LRRC4B: variants seen among roughly 807,000 people sequenced by gnomAD.
LRRC4B encodes the protein leucine-rich repeat-containing protein 4B.
In LRRC4B, 1 loss-of-function variant was observed where a neutral mutation model predicts 7.3. That is an observed-to-expected ratio of 0.14 (90% confidence interval 0.05 to 0.65). The LOEUF is 0.65. Among genes scored for constraint, LRRC4B ranks in the 30% least tolerant of loss-of-function variants. LRRC4B has a pLI of 0.84. For synonymous variants in LRRC4B, 500 were observed against 499.2 expected (o/e 1.00, Z -0.02); for missense variants, 730 against 1,041.6 (o/e 0.70, Z 4.12).
At chr19:50,536,112 G>A (rs1004959077) in intron 2 of LRRC4B, among the ~76,000 whole-genome samples, 1 of 151,496 alleles carries the variant, frequency 6.6e-6, no homozygotes, top group Admixed American at 6.6e-5. Context: ...GCTCGTGCAC[G>A]CTGCTACTGG....
Position 50,553,927 on chromosome 19 carries a change from C to G in LRRC4B, c.-35-5054G>C, listed in dbSNP as rs906672628. 6.6e-6 allele frequency among the ~76,000 whole-genome samples: 1 copy of G among 152,042 alleles called. No individual in the cohort carries two copies. Among genetic ancestry groups the G allele is most frequent in the Non-Finnish European group, 1.5e-5 (1 of 67,996 alleles). On this transcript the variant is annotated intron_variant, in intron 1 of 2. Transcript: ENST00000652263. This position sits in a 1 kb window ranked among gnomAD's most constrained non-coding sequence, Gnocchi z 4.2. ...ATAGCTGCACAATGCAGGCTCCCAGCCCTGGACACCCTCGGTCCCCAGGTC... is the reference window on the plus strand; with the variant it reads ...ATAGCTGCACAATGCAGGCTCCCAGGCCTGGACACCCTCGGTCCCCAGGTC...
intron 1 of LRRC4B, among the ~76,000 whole-genome samples, chr19:50,554,769 C>T (rs910606356): frequency 2.6e-5 from 4 of 152,228 alleles, no homozygotes; most frequent in Non-Finnish European, 5.9e-5. Flanking sequence ...ACTGCTATTA[C>T]ACCCAGTTCC....
chr19:50,551,470 A>C (rs1599781786), intron 1 of LRRC4B, among the ~76,000 whole-genome samples: 10 of 75,350 alleles, frequency 1.3e-4, no homozygotes, highest in African/African-American at 1.7e-4. Flanking sequence ...TCCCACCTCT[A>C]CCTCGACTCT....
intron 2 of LRRC4B, among the ~76,000 whole-genome samples, chr19:50,541,181 C>G (rs1276074551): frequency 6.9e-6 from 1 of 145,266 alleles, no homozygotes; most frequent in Non-Finnish European, 1.5e-5. Context: ...GAGGCTCTGT[C>G]TCAAAAAAAA....
At chr19:50,526,713 C>A (rs1980822604) in intron 2 of LRRC4B, among the ~76,000 whole-genome samples, 1 of 152,092 alleles carries the variant, frequency 6.6e-6, no homozygotes, top group Admixed American at 6.6e-5. Context: ...AATATATACT[C>A]ATTTAGGAAA....
At chr19:50,524,822 C>A (rs573519686) in intron 2 of LRRC4B, among the ~76,000 whole-genome samples, 2 of 152,340 alleles carry the variant, frequency 1.3e-5, no homozygotes, top group South Asian at 2.1e-4. Context: ...GTCCCCGAGC[C>A]CAGCCAGCAG....
At chr19:50,562,184 T>C (rs1982489767) in intron 1 of LRRC4B, among the ~76,000 whole-genome samples, 1 of 151,914 alleles carries the variant, frequency 6.6e-6, no homozygotes, top group Non-Finnish European at 1.5e-5. Flanking sequence ...TCTCCTCTCT[T>C]GGCCTCAGTT....
At chr19:50,540,952 A>G (rs7259501) in intron 2 of LRRC4B, among the ~76,000 whole-genome samples, 102,324 of 151,470 alleles carry the variant, frequency 0.68, 36,836 homozygotes, top group African/African-American at 0.92. Flanking sequence ...GGGAGGCCAA[A>G]GCAGGCGGAT....
At chr19:50,542,451 G>T (rs1981592033) in intron 2 of LRRC4B, among the ~76,000 whole-genome samples, 1 of 152,060 alleles carries the variant, frequency 6.6e-6, no homozygotes, top group South Asian at 2.1e-4. Context: ...GCCGGGGCAG[G>T]GCCTCAGAGA....
chr19:50,538,723 C>T lies in LRRC4B; in HGVS notation c.297+9819G>A, dbSNP rs377066165. Among the ~76,000 whole-genome samples the T allele has an allele frequency of 1.3e-4, 20 of 151,928 alleles. No homozygotes were observed. The East Asian group carries it at 2.1e-3, about 16-fold the overall frequency. On this transcript the variant is annotated intron_variant, in intron 2 of 2. Coordinates refer to ENST00000652263, the MANE Select transcript of LRRC4B (RefSeq NM_001080457.2). The stretch of plus-strand genomic sequence containing the variant: ...ATCTGGGACTACAGGTGCGTGCCAC[C>T]ACACCTGGCTAATTTTTGTATTTTT...
At chr19:50,547,240 G>A (rs369860395) in intron 2 of LRRC4B, among the ~76,000 whole-genome samples, 2 of 152,156 alleles carry the variant, frequency 1.3e-5, no homozygotes, top group Non-Finnish European at 2.9e-5. Flanking sequence ...CTGCGGGAGC[G>A]GGGGGTGGTG....
intron 2 of LRRC4B, among the ~76,000 whole-genome samples, chr19:50,529,599 G>A (rs1980961555): frequency 6.6e-6 from 1 of 152,146 alleles, no homozygotes; most frequent in African/African-American, 2.4e-5. Context: ...GAGGTCAGGA[G>A]TTCAAGACTA....
Position 50,537,675 on chromosome 19 carries a change from G to A in LRRC4B, c.297+10867C>T, listed in dbSNP as rs1981348857. ...CAGGTGTGAGCCACCGCGCCCGGCC[G>A]ACTGTTCTTTTCTGTAAGTGTGCTG... On this transcript the variant is annotated intron_variant, in intron 2 of 2. Coordinates refer to ENST00000652263, the MANE Select transcript of LRRC4B (RefSeq NM_001080457.2). The surrounding 1 kb of genome is among the most constrained non-coding windows in gnomAD (Gnocchi z 5.5). Among the ~76,000 whole-genome samples the A allele has an allele frequency of 6.6e-6, 1 of 151,570 alleles. No homozygotes were observed. Among genetic ancestry groups the A allele is most frequent in the Non-Finnish European group, 1.5e-5 (1 of 67,768 alleles).
At position 50,537,311 on chromosome 19, in the gene LRRC4B, C is replaced by A. The variant is rs117647991; in HGVS notation, c.297+11231G>T. On this transcript the variant is annotated intron_variant, in intron 2 of 2. Transcript: ENST00000652263. This position sits in a 1 kb window ranked among gnomAD's most constrained non-coding sequence, Gnocchi z 5.5. ...CATCTGTAACATGAGAAGAATAGGA[C>A]CTACTCAGGGGGCTGTCGTGAGGCT... Among the ~76,000 whole-genome samples the A allele has an allele frequency of 6.6e-6, 1 of 152,306 alleles. No individual in the cohort carries two copies. Among genetic ancestry groups the A allele is most frequent in the East Asian group, 1.9e-4 (1 of 5,186 alleles).
In LRRC4B at chr19:50,548,531, GC is replaced by G. The variant is rs758100066; in HGVS notation, c.297+10del. On this transcript the variant is annotated intron_variant, in intron 2 of 2. Coordinates refer to ENST00000652263, the MANE Select transcript of LRRC4B (RefSeq NM_001080457.2). The surrounding 1 kb of genome is among the most constrained non-coding windows in gnomAD (Gnocchi z 6.8). ...CTCCAAGGTCCCCCTCTGCCCGCTG[GC>G]CCCGCATACCTGGATGCCGTTCTCT... 6.3e-7 allele frequency: 1 copy of G among 1,587,004 alleles called. No homozygotes were observed. Among genetic ancestry groups the G allele is most frequent in the Non-Finnish European group, 8.5e-7 (1 of 1,173,858 alleles).
intron 2 of LRRC4B, among the ~76,000 whole-genome samples, chr19:50,534,250 G>A (rs909706538): frequency 6.6e-6 from 1 of 152,332 alleles, no homozygotes; most frequent in East Asian, 1.9e-4. Context: ...GGCTGCCCTG[G>A]TTGCAGGGGG....
chr19:50,521,062 T>C (rs1440900177), intron 2 of LRRC4B, among the ~76,000 whole-genome samples: 1 of 152,048 alleles, frequency 6.6e-6, no homozygotes, highest in Non-Finnish European at 1.5e-5. Context: ...GGCTCAGCCA[T>C]GAAAGGGACC....
chr19:50,520,203 CAAAAAAAAAAAAAAAAAAAAAAA>C (rs1173919963), intron 2 of LRRC4B, among the ~76,000 whole-genome samples: 2 of 9,382 alleles, frequency 2.1e-4, no homozygotes, highest in Admixed American at 1.6e-3. Context: ...AATACCCTGT[CAAAAAAAAAAAAAAAAAAAAAAA>C]AAAAAAAAAA....
chr19:50,562,476 C>T (rs1982499468), intron 1 of LRRC4B, among the ~76,000 whole-genome samples: 1 of 152,248 alleles, frequency 6.6e-6, no homozygotes, highest in Admixed American at 6.5e-5. Context: ...TGGTCATCTC[C>T]AGCTCTGGAG....
Sources: allele counts gnomAD v4.1 joint callset (sites outside exome capture counted in the v4.1 genomes callset), GRCh38; gene constraint gnomAD v4.1.1; non-coding constraint Gnocchi (gnomAD v3.1); transcripts MANE v1.5; gene names NCBI Gene and HGNC (gene_info 2026-07-23, HGNC 2026-07-21).